Variants in RECK observed in about 807,000 individuals in gnomAD.
The protein encoded by RECK is reversion inducing cysteine rich protein with kazal motifs.
A neutral mutation model predicts 115.1 loss-of-function variants in RECK; 69 were observed. That is an observed-to-expected ratio of 0.60 (90% CI 0.49 to 0.73). The LOEUF is 0.73. Ranked by LOEUF, RECK falls within the 30% of genes least tolerant of loss-of-function variation. RECK has a pLI of 0.00. For synonymous variants in RECK, 414 were observed against 419.7 expected (o/e 0.99, Z 0.17); for missense variants, 1,047 against 1,203.7 (o/e 0.87, Z 1.93).
At chr9:36,037,635 G>C (rs1564093083) in intron 1 of RECK, among the ~76,000 whole-genome samples, 1 of 151,800 alleles carries the variant, frequency 6.6e-6, no homozygotes, top group Admixed American at 6.6e-5. Flanking sequence ...GGGCTGGCAG[G>C]CTTGAGGAGA....
chr9:36,059,317 A>G lies in RECK; in HGVS notation c.234+416A>G, dbSNP rs769283135. On this transcript the variant is annotated intron_variant, in intron 3 of 20. Transcript: ENST00000377966. ...CTAAAAATACAAAAATTAGCCAGACATGGTGGCACACGCCTGTAGTCCCAG... is the reference window on the plus strand; with the variant it reads ...CTAAAAATACAAAAATTAGCCAGACGTGGTGGCACACGCCTGTAGTCCCAG... Among the ~76,000 whole-genome samples, 211 of 152,118 alleles carry G rather than the reference A, an allele frequency of 1.4e-3. 5 individuals carry two copies. Among genetic ancestry groups the G allele is most frequent in the Admixed American group, 0.013 (206 of 15,278 alleles).
Position 36,123,274 on chromosome 9 carries a change from T to C in RECK, c.*229T>C, listed in dbSNP as rs1345992555. On this transcript the variant is annotated 3_prime_UTR_variant, in exon 21 of 21. Transcript: ENST00000377966. ...AATACTAATGAAAACAGAATGTCTC[T>C]TCCTGGTAGACCACTGCCATATGAT... 1.0e-5 allele frequency: 5 copies of C among 477,074 alleles called. No homozygotes were observed. The highest frequency in any genetic ancestry group is 1.9e-5 in the Non-Finnish European group (5 of 270,206). The allele number at this position is 477,074 out of a possible 1,614,324, so 29.6% of individuals were successfully genotyped here.
chr9:36,090,462 T>C (rs1037329144), intron 9 of RECK, among the ~76,000 whole-genome samples: 3 of 152,180 alleles, frequency 2.0e-5, no homozygotes, highest in Non-Finnish European at 1.5e-5. Context: ...TACTTATAAT[T>C]TTGTATATTT....
At chr9:36,080,741 A>G in intron 7 of RECK, 103 bp downstream of exon 7, 1 of 974,042 alleles carries the variant, frequency 1.0e-6, no homozygotes. Flanking sequence ...CCCATGGTGT[A>G]TTTAGGTCAT....
chr9:36,113,179 A>G (rs1262681077), intron 16 of RECK, among the ~76,000 whole-genome samples: 2 of 152,212 alleles, frequency 1.3e-5, no homozygotes, highest in South Asian at 2.1e-4. Context: ...CACGGCAGGC[A>G]TCTTGCTGAC....
In RECK at chr9:36,058,898, A is replaced by G; in HGVS notation, c.231A>G (p.Thr77=). The change falls in exon 3 of 21, where the codon ACA becomes ACG. Residue 77 remains threonine, a synonymous_variant. Coordinates refer to ENST00000377966, the MANE Select transcript of RECK (RefSeq NM_021111.3). ...LQRAPDYCPE[T]MVEIWNCMNS... ...GAGCCCCAGATTATTGCCCAGAGAC[A>G]ATGGTAAGTCTTATTGTAACTTAAC... 6.4e-7 allele frequency: 1 copy of G among 1,559,802 alleles called. No individual in the cohort carries two copies. Among genetic ancestry groups the G allele is most frequent in the Non-Finnish European group, 8.7e-7 (1 of 1,147,892 alleles).
rs1448576074 is a variant in RECK, at chr9:36,058,419, G to A, written c.160-408G>A. On this transcript the variant is annotated intron_variant, in intron 2 of 20. Coordinates refer to ENST00000377966, the MANE Select transcript of RECK (RefSeq NM_021111.3). ...TCGCAAGAACAAAAAACCAAACACCGCATATTCTCACTCATAGGTGGGAAT... is the reference window on the plus strand; with the variant it reads ...TCGCAAGAACAAAAAACCAAACACCACATATTCTCACTCATAGGTGGGAAT... Among the ~76,000 whole-genome samples, 289 of 130,722 alleles carry A rather than the reference G, an allele frequency of 2.2e-3. 2 individuals carry two copies. The highest frequency in any genetic ancestry group is 7.6e-3 in the African/African-American group (266 of 34,874). The allele number at this position is 130,722 out of a possible 152,430, so 85.8% of individuals were successfully genotyped here.
chr9:36,100,406 A>G lies in RECK; in HGVS notation c.1161A>G (p.Lys387=). The change falls in exon 11 of 21, where the codon AAA becomes AAG. Residue 387 remains lysine, a synonymous_variant. Transcript: ENST00000377966. Reference sequence around the variant, plus strand: ...TGAATGACATGAAGTTGTGGGAGAAAGGAAGCATAAAGATGCCATTTATCA... The same window carrying G: ...TGAATGACATGAAGTTGTGGGAGAAGGGAAGCATAAAGATGCCATTTATCA... ...GAMNDMKLWE[K]GSIKMPFINI... is the part of the protein sequence containing the mutation. 6.2e-7 allele frequency: 1 copy of G among 1,614,194 alleles called. No homozygotes were observed. Among genetic ancestry groups the G allele is most frequent in the East Asian group, 2.2e-5 (1 of 44,878 alleles).
chr9:36,062,996 A>T (rs868807325), intron 4 of RECK, among the ~76,000 whole-genome samples: 2 of 151,850 alleles, frequency 1.3e-5, no homozygotes, highest in African/African-American at 4.8e-5. Context: ...TTAGCCGGGC[A>T]TGGTGGCAGA....
intron 16 of RECK, among the ~76,000 whole-genome samples, chr9:36,115,481 C>T (rs1329938160): frequency 6.6e-6 from 1 of 151,942 alleles, no homozygotes; most frequent in Admixed American, 6.6e-5. Flanking sequence ...AGATTCTCAA[C>T]CTTTTTTTTA....
intron 1 of RECK, among the ~76,000 whole-genome samples, chr9:36,044,043 G>C (rs920874578): frequency 6.6e-6 from 1 of 152,020 alleles, no homozygotes; most frequent in Non-Finnish European, 1.5e-5. Flanking sequence ...CATTGAATTT[G>C]TCTATTGCTT....
At chr9:36,112,189 A>G (rs1824077779) in intron 15 of RECK, 116 bp from the exon 16 acceptor site, 13 of 843,508 alleles carry the variant, frequency 1.5e-5, no homozygotes, top group Middle Eastern at 7.7e-4. Context: ...CTTAATTTAC[A>G]ATTCTATTTT....
intron 1 of RECK, among the ~76,000 whole-genome samples, chr9:36,046,771 T>C (rs1192702836): frequency 1.3e-5 from 2 of 152,234 alleles, no homozygotes; most frequent in Non-Finnish European, 2.9e-5. Flanking sequence ...TTTTTCTTTT[T>C]CTTCTTGTTT....
At chr9:36,060,183 A>C in intron 4 of RECK, 28 bp downstream of exon 4, 1 of 1,605,442 alleles carries the variant, frequency 6.2e-7, no homozygotes. Flanking sequence ...AACATTTAGC[A>C]CTTAATTTTA....
rs1455455273 is a variant in RECK, at chr9:36,094,216, G to A, written c.1085+2873G>A. Among the ~76,000 whole-genome samples, 1 of 149,600 alleles carries A rather than the reference G, an allele frequency of 6.7e-6. No homozygotes were observed. The highest frequency in any genetic ancestry group is 2.5e-5 in the African/African-American group (1 of 40,762). Reference sequence around the variant, plus strand: ...ATTTTCTTTTTCTTTTTTTTCTTTTGTATTTTATTTTTCAAAAGTAATTGG... The same window carrying A: ...ATTTTCTTTTTCTTTTTTTTCTTTTATATTTTATTTTTCAAAAGTAATTGG... On this transcript the variant is annotated intron_variant, in intron 10 of 20. Transcript: ENST00000377966. The surrounding 1 kb of genome is among the most constrained non-coding windows in gnomAD (Gnocchi z 4.1).
At chr9:36,057,061 G>A (rs1821555906) in intron 2 of RECK, 1 of 972,098 alleles carries the variant, frequency 1.0e-6, no homozygotes, top group Non-Finnish European at 1.2e-6. Flanking sequence ...ATTATTTACT[G>A]AAACACCAAA....
Position 36,106,407 on chromosome 9 carries a change from G to C in RECK, c.1576+1124G>C, listed in dbSNP as rs542264600. Reference sequence around the variant, plus strand: ...CCACCACCATGCCCAGCTAATTTTTGCATTTTTAGTAGAGACAGCAGGGTT... The same window carrying C: ...CCACCACCATGCCCAGCTAATTTTTCCATTTTTAGTAGAGACAGCAGGGTT... On this transcript the variant is annotated intron_variant, in intron 13 of 20. Coordinates refer to ENST00000377966, the MANE Select transcript of RECK (RefSeq NM_021111.3). 2.0e-5 allele frequency among the ~76,000 whole-genome samples: 3 copies of C among 151,214 alleles called. No homozygotes were observed. In the South Asian group the frequency reaches 6.3e-4, roughly 32 times the overall value.
intron 15 of RECK, among the ~76,000 whole-genome samples, chr9:36,110,843 G>A (rs1824015004): frequency 6.6e-6 from 1 of 151,876 alleles, no homozygotes; most frequent in African/African-American, 2.4e-5. Flanking sequence ...GGAGAGTAAG[G>A]ATTTACCAAC....
chr9:36,118,803 C>A lies in RECK; in HGVS notation c.2300C>A (p.Thr767Asn), dbSNP rs766013116. 4 of 1,614,158 alleles carry A rather than the reference C, an allele frequency of 2.5e-6. No homozygotes were observed. The highest frequency in any genetic ancestry group is 2.2e-5 in the South Asian group (2 of 91,078). Residue 767 changes from threonine (T) to asparagine (N), a missense_variant, in exon 18 of 21, where the codon ACC becomes AAC. By Grantham distance (65) the Thr-to-Asn change is moderately conservative. Transcript: ENST00000377966. ...CCCGTATGTGGGCACAATGGTGAGACCTACAGCAGTGTGTGTGCTGCCTAC... is the reference window on the plus strand; with the variant it reads ...CCCGTATGTGGGCACAATGGTGAGAACTACAGCAGTGTGTGTGCTGCCTAC... ...TEPVCGHNGETYSSVCAAYSD... is the reference protein window; with the variant it reads ...TEPVCGHNGENYSSVCAAYSD...
Sources: gnomAD v4.1 joint callset for allele counts (sites outside exome capture counted in the v4.1 genomes callset) on GRCh38, gnomAD v4.1.1 for gene constraint, Gnocchi (gnomAD v3.1) non-coding constraint, MANE v1.5 for transcripts, NCBI Gene and HGNC (gene_info 2026-07-23, HGNC 2026-07-21) for gene names.